The following EPS15 variants were observed in gnomAD, a reference collection of about 807,000 sequenced individuals.
EPS15 encodes the protein epidermal growth factor receptor substrate 15.
EPS15 carries 72 observed loss-of-function variants against 113.8 expected under a neutral mutation model. The ratio of observed to expected loss-of-function variants is 0.63; its 90% CI spans 0.52 to 0.77. The LOEUF (loss-of-function observed/expected upper bound fraction) is 0.77. Ranked by LOEUF, EPS15 falls within the 30% of genes least tolerant of loss-of-function variation. The probability of loss-of-function intolerance (pLI) is 0.00; values close to 1 mark genes in which losing one functional copy is unlikely to be tolerated. For missense variants in EPS15, 1,048 were observed against 1,045.8 expected (o/e 1.00, Z -0.03); for synonymous variants, 344 against 363.4 (o/e 0.95, Z 0.61).
At position 51,355,727 on chromosome 1, in the gene EPS15, C is replaced by T. The variant is rs534934811; in HGVS notation, c.*973G>A. ...TGAGCCTTCATTAAAAAAAAAAAAA[C>T]AAATATATATGAAAAATTAAAGTAC... On this transcript the variant is annotated 3_prime_UTR_variant, in exon 25 of 25. Coordinates refer to ENST00000371733, the MANE Select transcript of EPS15 (RefSeq NM_001981.3). 205 of 173,138 alleles carry T rather than the reference C, an allele frequency of 1.2e-3. No homozygotes were observed. Among genetic ancestry groups the T allele is most frequent in the African/African-American group, 5.2e-3 (198 of 38,376 alleles). 10.7% of individuals were successfully genotyped at this position (173,138 alleles called of 1,614,324 possible).
chr1:51,361,122 A>C, intron 24 of EPS15, 49 bp downstream of exon 24: 1 of 1,396,702 alleles, frequency 7.2e-7, no homozygotes, highest in Non-Finnish European at 9.9e-7. Context: ...ATAATCTCTG[A>C]AAACTCTTTA....
At chr1:51,364,173 G>A in intron 22 of EPS15, 145 bp from the exon 23 acceptor site, 1 of 572,068 alleles carries the variant, frequency 1.7e-6, no homozygotes, top group East Asian at 3.3e-5. Context: ...TGCATTCAGG[G>A]TCCAATGGGA....
chr1:51,481,708 C>T (rs1213808286), intron 1 of EPS15, among the ~76,000 whole-genome samples: 3 of 152,166 alleles, frequency 2.0e-5, no homozygotes, highest in Non-Finnish European at 4.4e-5. Context: ...GAATACATTT[C>T]AAAAACCACT....
intron 8 of EPS15, among the ~76,000 whole-genome samples, chr1:51,457,338 A>C (rs2148494633): frequency 6.6e-6 from 1 of 152,076 alleles, no homozygotes; most frequent in Admixed American, 6.6e-5. Context: ...GGAAGAAAAT[A>C]AATAAAAATA....
intron 1 of EPS15, among the ~76,000 whole-genome samples, chr1:51,497,766 C>T (rs2148546226): frequency 6.6e-6 from 1 of 152,172 alleles, no homozygotes; most frequent in Non-Finnish European, 1.5e-5. Context: ...ATCACGAGGT[C>T]AACAGATGGA....
At chr1:51,505,791 TTTTA>T (rs997166052) in intron 1 of EPS15, among the ~76,000 whole-genome samples, 4 of 152,028 alleles carry the variant, frequency 2.6e-5, no homozygotes, top group Non-Finnish European at 4.4e-5. Context: ...TTTATTTTAT[TTTTA>T]TTTATTTATT....
intron 21 of EPS15, among the ~76,000 whole-genome samples, chr1:51,381,695 T>C (rs1430719309): frequency 1.3e-5 from 2 of 151,942 alleles, no homozygotes; most frequent in Non-Finnish European, 2.9e-5. Flanking sequence ...TAGGTGGAAA[T>C]TAAATATCAC....
At chr1:51,439,489 GAA>G (rs976855354) in intron 12 of EPS15, among the ~76,000 whole-genome samples, 1 of 151,958 alleles carries the variant, frequency 6.6e-6, no homozygotes, top group African/African-American at 2.4e-5. Flanking sequence ...GTTAAAAAAA[GAA>G]AAAGACTGGT....
At chr1:51,482,672 T>C (rs1465544191) in intron 1 of EPS15, among the ~76,000 whole-genome samples, 1 of 152,004 alleles carries the variant, frequency 6.6e-6, no homozygotes, top group African/African-American at 2.4e-5. Flanking sequence ...CGCCATGTTG[T>C]CTAGGCTGGT....
chr1:51,516,482 G>A (rs1464130188), intron 1 of EPS15, among the ~76,000 whole-genome samples: 2 of 152,106 alleles, frequency 1.3e-5, no homozygotes, highest in Non-Finnish European at 2.9e-5. Flanking sequence ...AGCAGAACTG[G>A]AACTAACATT....
chr1:51,374,545 A>G (rs1272375060), intron 21 of EPS15, among the ~76,000 whole-genome samples: 2 of 152,180 alleles, frequency 1.3e-5, no homozygotes, highest in Non-Finnish European at 2.9e-5. Flanking sequence ...CGGAGGTTGC[A>G]GTGAGCTGAG....
chr1:51,378,732 C>T (rs1049243228), intron 21 of EPS15, among the ~76,000 whole-genome samples: 4 of 152,062 alleles, frequency 2.6e-5, no homozygotes, highest in South Asian at 2.1e-4. Context: ...TTTAAAAATA[C>T]GTAACTAAAA....
intron 1 of EPS15, among the ~76,000 whole-genome samples, chr1:51,492,023 AT>A (rs1048844984): frequency 2.9e-4 from 44 of 151,818 alleles, no homozygotes; most frequent in African/African-American, 9.7e-4. Flanking sequence ...TAATTTTTGT[AT>A]TTTTTGTAGA....
At position 51,484,120 on chromosome 1, in the gene EPS15, A is replaced by AT. The variant is rs1285991349; in HGVS notation, c.34-2807_34-2806insA. The stretch of plus-strand genomic sequence containing the variant: ...AGTGAGACCCTGTCTCTCAAAAAAA[A>AT]GTCAGAGTCAGGACTTAGGTGTCCT... On this transcript the variant is annotated intron_variant, in intron 1 of 24. Coordinates refer to ENST00000371733, the MANE Select transcript of EPS15 (RefSeq NM_001981.3). Among the ~76,000 whole-genome samples the AT allele has an allele frequency of 5.3e-5, 8 of 152,086 alleles. No individual in the cohort carries two copies. In the East Asian group the frequency reaches 1.2e-3, roughly 22 times the overall value.
chr1:51,365,276 T>G (rs1238351539), intron 22 of EPS15, among the ~76,000 whole-genome samples: 2 of 152,220 alleles, frequency 1.3e-5, no homozygotes, highest in African/African-American at 4.8e-5. Context: ...CGTAATTGCA[T>G]ATTGTGGGGG....
At chr1:51,385,778 G>A (rs1647051783) in intron 21 of EPS15, among the ~76,000 whole-genome samples, 1 of 152,042 alleles carries the variant, frequency 6.6e-6, no homozygotes, top group South Asian at 2.1e-4. Flanking sequence ...AGGACATTAT[G>A]GTAAATGAAA....
chr1:51,473,409 C>G (rs1348898906), intron 2 of EPS15, among the ~76,000 whole-genome samples: 1 of 152,182 alleles, frequency 6.6e-6, no homozygotes, highest in African/African-American at 2.4e-5. Flanking sequence ...TTAGGAACTG[C>G]AGCACTTTAA....
chr1:51,394,876 G>A, intron 20 of EPS15, among the ~76,000 whole-genome samples: 1 of 151,872 alleles, frequency 6.6e-6, no homozygotes, highest in East Asian at 1.9e-4. Context: ...TTATTTTTTA[G>A]AGACAGGGTC....
chr1:51,364,022 T>G lies in EPS15; in HGVS notation c.2203A>C (p.Asn735His), dbSNP rs1214017293. 6.2e-7 allele frequency: 1 copy of G among 1,608,886 alleles called. No homozygotes were observed. The highest frequency in any genetic ancestry group is 1.3e-5 in the African/African-American group (1 of 74,788). The change falls in exon 23 of 25, where the codon AAT becomes CAT. Residue 735 changes from asparagine (N) to histidine (H), a missense_variant. By Grantham distance (68) the Asn-to-His change is moderately conservative (BLOSUM62 1). Transcript: ENST00000371733. Reference protein sequence around the residue: ...ADFSTLSKVNNEDPFRSATSS... With the variant: ...ADFSTLSKVNHEDPFRSATSS... The stretch of plus-strand genomic sequence containing the variant: ...GTGGCTGAACGAAAAGGATCTTCAT[T>G]GTTGACCTTTGTTTAAAAAGAAATG...
Sources: gnomAD v4.1 joint callset for allele counts (sites outside exome capture counted in the v4.1 genomes callset) on GRCh38, gnomAD v4.1.1 for gene constraint, MANE v1.5 for transcripts, NCBI Gene and HGNC (gene_info 2026-07-23, HGNC 2026-07-21) for gene names.